DYNC1H1: variants seen among roughly 807,000 people sequenced by gnomAD.
The protein encoded by DYNC1H1 is dynein cytoplasmic 1 heavy chain 1.
In DYNC1H1, 51 loss-of-function variants were observed where a neutral mutation model predicts 527.1. The ratio of observed to expected loss-of-function variants is 0.10; its 90% confidence interval spans 0.08 to 0.12. DYNC1H1 has a LOEUF of 0.12. Among genes scored for constraint, DYNC1H1 ranks in the 10% least tolerant of loss-of-function variants. The pLI, the probability that DYNC1H1 is intolerant of heterozygous loss-of-function variation, is 1.00. For missense variants in DYNC1H1, 2,771 were observed against 5,971.8 expected, an observed-to-expected ratio of 0.46 and a Z score of 17.66; for synonymous variants, 2,189 against 2,278.8, an observed-to-expected ratio of 0.96 and a Z score of 1.12.
chr14:102,003,943 TAATA>T (rs1210709068), intron 23 of DYNC1H1, among the ~76,000 whole-genome samples: 2 of 147,204 alleles, frequency 1.4e-5, no homozygotes, highest in Non-Finnish European at 3.0e-5. Context: ...AAAAAAGAGT[TAATA>T]AAGTAACTTA....
intron 73 of DYNC1H1, 157 bp downstream of exon 73, chr14:102,048,185 T>A (rs368683228): frequency 3.1e-6 from 3 of 976,128 alleles, no homozygotes; most frequent in Non-Finnish European, 4.6e-6. Flanking sequence ...AGCCCAGGCA[T>A]TGGGCAAGAT....
Position 101,979,329 on chromosome 14 carries a change from A to G in DYNC1H1, c.355A>G (p.Ile119Val), listed in dbSNP as rs953641294. 4 of 1,614,168 alleles carry G rather than the reference A, an allele frequency of 2.5e-6. No individual in the cohort carries two copies. Among genetic ancestry groups the G allele is most frequent in the Non-Finnish European group, 3.4e-6 (4 of 1,180,036 alleles). Reference sequence around the variant, plus strand: ...TATTTTTCTTTTTAGCTTGGCATTCATTAAACGTACTCCCGTGATTGATGC... The same window carrying G: ...TATTTTTCTTTTTAGCTTGGCATTCGTTAAACGTACTCCCGTGATTGATGC... ...YGVKSNSLAF[I>V]KRTPVIDADK... Residue 119 changes from isoleucine (I) to valine (V), a missense_variant, in exon 3 of 78, where the codon ATT becomes GTT. Ile to Val is a conservative substitution (Grantham distance 29). Coordinates refer to ENST00000360184, the MANE Select transcript of DYNC1H1 (RefSeq NM_001376.5). The surrounding 1 kb of genome is among the most constrained non-coding windows in gnomAD (Gnocchi z 4.6).
At position 101,979,669 on chromosome 14, in the gene DYNC1H1, T is replaced by G. The variant is rs2047840839; in HGVS notation, c.519-50T>G. 1 of 1,612,836 alleles carries G rather than the reference T, an allele frequency of 6.2e-7. No homozygotes were observed. The highest frequency in any genetic ancestry group is 2.2e-5 in the East Asian group (1 of 44,884). ...GACAGACCTGAAATGATGGGATCTCTTTGGAGACCAATAGCACACTAAATG... is the reference window on the plus strand; with the variant it reads ...GACAGACCTGAAATGATGGGATCTCGTTGGAGACCAATAGCACACTAAATG... On this transcript the variant is annotated intron_variant, in intron 3 of 77. Transcript: ENST00000360184. The surrounding 1 kb of genome is among the most constrained non-coding windows in gnomAD (Gnocchi z 4.6).
Position 102,017,608 on chromosome 14 carries a change from A to G in DYNC1H1, c.8177+104A>G. 1 of 1,578,358 alleles carries G rather than the reference A, an allele frequency of 6.3e-7. No individual in the cohort carries two copies. Among genetic ancestry groups the G allele is most frequent in the Non-Finnish European group, 8.7e-7 (1 of 1,150,208 alleles). On this transcript the variant is annotated intron_variant, in intron 40 of 77. Coordinates refer to ENST00000360184, the MANE Select transcript of DYNC1H1 (RefSeq NM_001376.5). This position sits in a 1 kb window ranked among gnomAD's most constrained non-coding sequence, Gnocchi z 4.6. ...TGGTTTTGATAATAAAGACAACAAT[A>G]CTGCTTATTGTGGATTCCTCTTGGG...
chr14:101,992,477 C>T (rs2048008522), intron 11 of DYNC1H1, among the ~76,000 whole-genome samples: 1 of 152,128 alleles, frequency 6.6e-6, no homozygotes. Flanking sequence ...TTTAACCAGC[C>T]GTGTTTCTAT....
rs965824471 is a variant in DYNC1H1 at position 102,036,328 on chromosome 14, T to C, written c.10755-161T>C. ...GATGAGGTGATGTTAGCATTAAGCA[T>C]GTAAGCTTTATTGGTAAACCTGAAA... On this transcript the variant is annotated intron_variant, in intron 56 of 77. Coordinates refer to ENST00000360184, the MANE Select transcript of DYNC1H1 (RefSeq NM_001376.5). This position sits in a 1 kb window ranked among gnomAD's most constrained non-coding sequence, Gnocchi z 5.6. 2.2e-5 allele frequency: 18 copies of C among 824,312 alleles called. No homozygotes were observed. The highest frequency in any genetic ancestry group is 8.9e-5 in the South Asian group (6 of 67,694). 51.1% of individuals were successfully genotyped at this position (824,312 alleles called of 1,614,324 possible).
intron 1 of DYNC1H1, among the ~76,000 whole-genome samples, chr14:101,966,849 T>C (rs2047673770): frequency 1.3e-5 from 2 of 152,216 alleles, no homozygotes; most frequent in African/African-American, 4.8e-5. Flanking sequence ...TATGTTTATG[T>C]AGTACAATAT....
intron 29 of DYNC1H1, 116 bp downstream of exon 29, chr14:102,008,453 C>T: frequency 7.3e-7 from 1 of 1,363,346 alleles, no homozygotes; most frequent in Non-Finnish European, 1.0e-6. Flanking sequence ...CAGGAGCTCA[C>T]TGTTACAGGC....
chr14:102,032,559 T>C (rs2048521376), intron 52 of DYNC1H1, 92 bp downstream of exon 52: 2 of 1,536,882 alleles, frequency 1.3e-6, no homozygotes, highest in Admixed American at 3.6e-5. Context: ...CCCAGAACTT[T>C]CGGCTGTTCA....
intron 51 of DYNC1H1, among the ~76,000 whole-genome samples, chr14:102,031,300 C>A (rs1056902469): frequency 1.3e-5 from 2 of 152,184 alleles, no homozygotes; most frequent in Non-Finnish European, 2.9e-5. Flanking sequence ...GTGGTGCAAC[C>A]ATGGCTCACT....
In DYNC1H1 at chr14:102,018,552, C is replaced by T; in HGVS notation, c.8279C>T (p.Pro2760Leu). The T allele has an allele frequency of 6.2e-7, 1 of 1,614,132 alleles. No homozygotes were observed. Among genetic ancestry groups the T allele is most frequent in the Non-Finnish European group, 8.5e-7 (1 of 1,180,048 alleles). Residue 2760 changes from proline to leucine, a missense_variant, in exon 41 of 78, where the codon CCA (proline) becomes CTA (leucine). Around this residue, in one of 32 missense-constraint regions of DYNC1H1, gnomAD observed 163 missense variants for 346.9 expected, o/e 0.47. Transcript: ENST00000360184. This position sits in a 1 kb window ranked among gnomAD's most constrained non-coding sequence, Gnocchi z 5.2. ...TFNRAMLRLIPSLRTYAEPLT... is the reference protein window; with the variant it reads ...TFNRAMLRLILSLRTYAEPLT... The stretch of plus-strand genomic sequence containing the variant: ...AACCGCGCCATGCTGAGGCTCATTC[C>T]ATCCCTGCGGACGTATGCAGAGCCG...
rs966525121 is a variant in DYNC1H1 at position 101,965,530 on chromosome 14, C to T, written c.256+583C>T. Among the ~76,000 whole-genome samples the T allele has an allele frequency of 4.6e-5, 7 of 152,100 alleles. No individual in the cohort carries two copies. Among genetic ancestry groups the T allele is most frequent in the Non-Finnish European group, 1.0e-4 (7 of 68,040 alleles). On this transcript the variant is annotated intron_variant, in intron 1 of 77. Transcript: ENST00000360184. This position sits in a 1 kb window ranked among gnomAD's most constrained non-coding sequence, Gnocchi z 4.1. ...TTGTGGGGACCCAGAGGCCGAGGCC[C>T]ACAGAGCGACGGTGCCAGCCCCGGG...
At position 102,047,867 on chromosome 14, in the gene DYNC1H1, G is replaced by A; in HGVS notation, c.13057G>A (p.Asp4353Asn). The A allele has an allele frequency of 6.2e-7, 1 of 1,613,616 alleles. No homozygotes were observed. Residue 4353 changes from aspartate (D) to asparagine (N), a missense_variant, in exon 73 of 78, where the codon GAC (aspartate) becomes AAC (asparagine). By Grantham distance (23) the Asp-to-Asn change is conservative (BLOSUM62 1). Transcript: ENST00000360184. ...GAAGATGCAGATGTTGGAGGATGAG[G>A]ACGACCTGGCCTACGCAGAGACTGA... ...MLKMQMLEDE[D>N]DLAYAETEKK...
In DYNC1H1 at chr14:102,005,787, G is replaced by A; in HGVS notation, c.5434-101G>A. The A allele has an allele frequency of 6.9e-7, 1 of 1,450,712 alleles. No homozygotes were observed. The highest frequency in any genetic ancestry group is 9.6e-7 in the Non-Finnish European group (1 of 1,036,870). 89.9% of individuals were successfully genotyped at this position (1,450,712 alleles called of 1,614,324 possible). A position where few individuals can be genotyped will look rare whatever the true frequency, so the allele number is the denominator to read the frequency against. The stretch of plus-strand genomic sequence containing the variant: ...ACATTTACTGAAAGCCATTGTAACT[G>A]GACCTAGAACCTCAATTTCAGTTTA... On this transcript the variant is annotated intron_variant, in intron 26 of 77. Transcript: ENST00000360184. The surrounding 1 kb of genome is among the most constrained non-coding windows in gnomAD (Gnocchi z 4.0).
rs756192681 is a variant in DYNC1H1 at position 101,995,015 on chromosome 14, C to T, written c.3363C>T (p.Asp1121=). The change falls in exon 14 of 78, where the codon GAC becomes GAT. Residue 1121 remains aspartate (D), a synonymous_variant. Coordinates refer to ENST00000360184, the MANE Select transcript of DYNC1H1 (RefSeq NM_001376.5). The part of the protein sequence containing the change: ...KVQSKVNLKY[D]SWHKEVLSKF... ...AATCTAAGGTGAACTTGAAATATGA[C>T]TCTTGGCATAAGGAGGTTCTTAGCA... is the stretch of plus-strand genomic sequence containing the variant. 2 of 1,614,186 alleles carry T rather than the reference C, an allele frequency of 1.2e-6. No individual in the cohort carries two copies. Among genetic ancestry groups the T allele is most frequent in the East Asian group, 4.5e-5 (2 of 44,888 alleles).
chr14:101,980,640 T>G, intron 5 of DYNC1H1, 90 bp downstream of exon 5: 3 of 1,454,208 alleles, frequency 2.1e-6, no homozygotes, highest in Non-Finnish European at 2.8e-6. Context: ...AACTATAGTT[T>G]TCACAGATGT....
chr14:101,983,092 G>A lies in DYNC1H1; in HGVS notation c.1035G>A (p.Leu345=), dbSNP rs993263559. The change falls in exon 6 of 78, where the codon CTG becomes CTA. Residue 345 remains leucine (L), a synonymous_variant. Coordinates refer to ENST00000360184, the MANE Select transcript of DYNC1H1 (RefSeq NM_001376.5). The surrounding 1 kb of genome is among the most constrained non-coding windows in gnomAD (Gnocchi z 5.3). ...LMKDFPLNDL[L]SATELDKIRQ... The stretch of plus-strand genomic sequence containing the variant: ...AAGATTTCCCTCTGAATGATTTGCT[G>A]TCTGCCACGGAGCTGGACAAAATAA... 5 of 1,614,058 alleles carry A rather than the reference G, an allele frequency of 3.1e-6. No homozygotes were observed. The Admixed American group carries it at 5.0e-5, about 16-fold the overall frequency.
chr14:102,004,466 C>T (rs1012097192), intron 23 of DYNC1H1, 52 bp from the exon 24 acceptor site: 74 of 1,553,618 alleles, frequency 4.8e-5, no homozygotes, highest in Non-Finnish European at 6.5e-5. Context: ...CCTTGATTCA[C>T]CTTATATGTG....
chr14:101,996,300 T>C (rs1729404055), intron 15 of DYNC1H1, among the ~76,000 whole-genome samples: 1 of 151,692 alleles, frequency 6.6e-6, no homozygotes, highest in Non-Finnish European at 1.5e-5. Flanking sequence ...CGGCTAATTT[T>C]TGTATTTTTA....
Sources: allele counts gnomAD v4.1 joint callset (sites outside exome capture counted in the v4.1 genomes callset), GRCh38; gene constraint gnomAD v4.1.1; regional missense constraint gnomAD v4.1.1; non-coding constraint Gnocchi (gnomAD v3.1); transcripts MANE v1.5; gene names NCBI Gene and HGNC (gene_info 2026-07-23, HGNC 2026-07-21).